CHRNA7: variants seen among roughly 807,000 people sequenced by gnomAD.
The protein encoded by CHRNA7 is neuronal acetylcholine receptor subunit alpha-7.
Under a neutral mutation model 48.0 loss-of-function variants are expected in CHRNA7, and 17 were observed. The observed-to-expected ratio is 0.35, with a 90% confidence interval of 0.24 to 0.53. The LOEUF (loss-of-function observed/expected upper bound fraction) is 0.53. Ranked by LOEUF, CHRNA7 falls within the 20% of genes least tolerant of loss-of-function variation. The probability of loss-of-function intolerance (pLI) is 0.92; values close to 1 mark genes in which losing one functional copy is unlikely to be tolerated. For missense variants in CHRNA7, 155 were observed against 577.7 expected, an observed-to-expected ratio of 0.27 and a Z score of 7.50; for synonymous variants, 75 against 242.3, an observed-to-expected ratio of 0.31 and a Z score of 6.41.
chr15:32,064,425 CA>C (rs1421930898), intron 2 of CHRNA7, among the ~76,000 whole-genome samples: 2 of 151,778 alleles, frequency 1.3e-5, no homozygotes, highest in Non-Finnish European at 2.9e-5. Flanking sequence ...CTCTATTTGT[CA>C]TATTAGAGCC....
At chr15:32,055,701 C>G (rs1239754081) in intron 2 of CHRNA7, among the ~76,000 whole-genome samples, 1 of 152,136 alleles carries the variant, frequency 6.6e-6, no homozygotes, top group Non-Finnish European at 1.5e-5. Context: ...TGCAGTTGGC[C>G]AGGCGTGGTG....
intron 2 of CHRNA7, among the ~76,000 whole-genome samples, chr15:32,034,699 A>G (rs1189211972): frequency 6.6e-6 from 1 of 152,186 alleles, no homozygotes; most frequent in Non-Finnish European, 1.5e-5. Flanking sequence ...CCAAACCATG[A>G]TATTTGTATT....
intron 4 of CHRNA7, among the ~76,000 whole-genome samples, chr15:32,148,154 T>C (rs1345745456): frequency 1.3e-5 from 2 of 152,228 alleles, no homozygotes; most frequent in South Asian, 2.1e-4. Context: ...CCTGAACCCA[T>C]GCGAAGCATT....
intron 2 of CHRNA7, among the ~76,000 whole-genome samples, chr15:32,096,923 G>C (rs1465983981): frequency 1.3e-5 from 2 of 152,164 alleles, no homozygotes; most frequent in Non-Finnish European, 2.9e-5. Context: ...CGGCCTTCTG[G>C]GATTCTGTGG....
rs186673992 is a variant in CHRNA7 at position 32,067,410 on chromosome 15, A to C, written c.196-33893A>C. On this transcript the variant is annotated intron_variant, in intron 2 of 9. Coordinates refer to ENST00000306901, the MANE Select transcript of CHRNA7 (RefSeq NM_000746.6). The stretch of plus-strand genomic sequence containing the variant: ...TGGAAGAAAAGACTTTAAGAATTCT[A>C]TACCCAGTAAAAATATCTTTCAAAA... Among the ~76,000 whole-genome samples the C allele has an allele frequency of 2.6e-3, 401 of 152,372 alleles. 4 individuals carry two copies. Among genetic ancestry groups the C allele is most frequent in the African/African-American group, 8.2e-3 (340 of 41,586 alleles).
intron 2 of CHRNA7, among the ~76,000 whole-genome samples, chr15:32,094,984 T>C (rs1355121635): frequency 6.6e-6 from 1 of 152,254 alleles, no homozygotes; most frequent in Non-Finnish European, 1.5e-5. Flanking sequence ...ATTCAGTCCT[T>C]GCAGCATGCT....
chr15:32,038,182 C>CAT (rs140690727), intron 2 of CHRNA7, among the ~76,000 whole-genome samples: 3,408 of 147,392 alleles, frequency 0.023, 140 homozygotes, highest in African/African-American at 0.08. Flanking sequence ...TTTATATAAA[C>CAT]ATATTTTGTA....
At chr15:32,041,367 T>C (rs2049445126) in intron 2 of CHRNA7, among the ~76,000 whole-genome samples, 2 of 152,240 alleles carry the variant, frequency 1.3e-5, no homozygotes, top group African/African-American at 4.8e-5. Flanking sequence ...CCACCTCAGA[T>C]TGTCAGGCAT....
At position 32,040,618 on chromosome 15, in the gene CHRNA7, G is replaced by A. The variant is rs182078628; in HGVS notation, c.195+9581G>A. On this transcript the variant is annotated intron_variant, in intron 2 of 9. Transcript: ENST00000306901. ...TGTATATGTGTGTATGTGTGTGTGT[G>A]TATATGTATTATATATGTATATATT... is the stretch of plus-strand genomic sequence containing the variant. 1.9e-4 allele frequency among the ~76,000 whole-genome samples: 29 copies of A among 150,496 alleles called. No individual in the cohort carries two copies. In the East Asian group the frequency reaches 2.7e-3, roughly 14 times the overall value.
At chr15:32,034,762 G>A (rs1356065629) in intron 2 of CHRNA7, among the ~76,000 whole-genome samples, 1 of 152,200 alleles carries the variant, frequency 6.6e-6, no homozygotes, top group South Asian at 2.1e-4. Flanking sequence ...ATACATTTTA[G>A]AGGTACAACA....
intron 4 of CHRNA7, among the ~76,000 whole-genome samples, chr15:32,141,738 T>A (rs2141339483): frequency 6.6e-6 from 1 of 152,360 alleles, no homozygotes; most frequent in South Asian, 2.1e-4. Context: ...GTTATTGGTG[T>A]ATAGGAATGC....
Position 32,030,988 on chromosome 15 carries a change from A to G in CHRNA7, c.146A>G (p.Gln49Arg). The G allele has an allele frequency of 6.2e-7, 1 of 1,614,178 alleles. No individual in the cohort carries two copies. Among genetic ancestry groups the G allele is most frequent in the Non-Finnish European group, 8.5e-7 (1 of 1,180,018 alleles). ...PLERPVANDSQPLTVYFSLSL... is the reference protein window; with the variant it reads ...PLERPVANDSRPLTVYFSLSL... ...GAGAGGCCCGTGGCCAATGACTCGCAACCACTCACCGTCTACTTCTCCCTG... is the reference window on the plus strand; with the variant it reads ...GAGAGGCCCGTGGCCAATGACTCGCGACCACTCACCGTCTACTTCTCCCTG... Residue 49 changes from glutamine (Q) to arginine (R), a missense_variant, in exon 2 of 10, where the codon CAA (glutamine) becomes CGA (arginine). Gln to Arg is a conservative substitution (Grantham distance 43). Transcript: ENST00000306901.
chr15:32,167,529 T>G (rs2052233315), intron 9 of CHRNA7: 2 of 206,304 alleles, frequency 9.7e-6, no homozygotes, highest in Non-Finnish European at 1.8e-5. Context: ...TTTGCGAATT[T>G]GCAGTGGCCT....
intron 2 of CHRNA7, among the ~76,000 whole-genome samples, chr15:32,045,845 A>G (rs1157011699): frequency 8.8e-6 from 1 of 114,072 alleles, no homozygotes; most frequent in Non-Finnish European, 1.7e-5. Flanking sequence ...CAGTCCCCAG[A>G]GTGTGATGTT....
rs185422554 is a variant in CHRNA7, at chr15:32,048,210, T to A, written c.195+17173T>A. On this transcript the variant is annotated intron_variant, in intron 2 of 9. Transcript: ENST00000306901. ...TGAAATGAGTTAGGGAGATTCCCTC[T>A]TTTTCTGTTGATTGGAATAGTTTCA... 3.8e-4 allele frequency among the ~76,000 whole-genome samples: 58 copies of A among 152,338 alleles called. No individual in the cohort carries two copies. The East Asian group carries it at 8.3e-3, about 22-fold the overall frequency.
chr15:32,113,274 A>G (rs910960700), intron 4 of CHRNA7, among the ~76,000 whole-genome samples: 6 of 152,270 alleles, frequency 3.9e-5, no homozygotes, highest in South Asian at 2.1e-4. Context: ...TCCGTGCCCT[A>G]GTCTCCTCTT....
At chr15:32,097,675 C>T (rs759038895) in intron 2 of CHRNA7, among the ~76,000 whole-genome samples, 2 of 152,238 alleles carry the variant, frequency 1.3e-5, no homozygotes, top group Non-Finnish European at 2.9e-5. Context: ...TACTTAATTG[C>T]AGGCCCCTAG....
At chr15:32,086,025 A>T (rs2050289738) in intron 2 of CHRNA7, among the ~76,000 whole-genome samples, 2 of 152,210 alleles carry the variant, frequency 1.3e-5, no homozygotes, top group Non-Finnish European at 2.9e-5. Flanking sequence ...AATTATAAAT[A>T]AACATATTAT....
chr15:32,077,775 T>C (rs1457867305), intron 2 of CHRNA7, among the ~76,000 whole-genome samples: 1 of 151,948 alleles, frequency 6.6e-6, no homozygotes, highest in Admixed American at 6.6e-5. Flanking sequence ...TAGCAGAAGG[T>C]GAAGGAGGAG....
Sources: gnomAD v4.1 joint callset for allele counts (sites outside exome capture counted in the v4.1 genomes callset) on GRCh38, gnomAD v4.1.1 for gene constraint, MANE v1.5 for transcripts, NCBI Gene and HGNC (gene_info 2026-07-23, HGNC 2026-07-21) for gene names.